Variants in PASD1 observed in about 807,000 individuals in gnomAD.
PASD1 encodes the protein PAS domain containing repressor 1.
In PASD1, 13 loss-of-function variants were observed where a neutral mutation model predicts 58.8. The ratio of observed to expected loss-of-function variants is 0.22; its 90% CI spans 0.14 to 0.35. The LOEUF (loss-of-function observed/expected upper bound fraction) is 0.35, where lower values mean the gene tolerates loss of function less well. Ranked by LOEUF, PASD1 falls within the 10% of genes least tolerant of loss-of-function variation. PASD1 has a pLI of 1.00. For missense variants in PASD1, 734 were observed against 568.3 expected, an observed-to-expected ratio of 1.29 and a Z score of -2.96; for synonymous variants, 236 against 216.7, an observed-to-expected ratio of 1.09 and a Z score of -0.78.
chrX:151,653,784 T>A (rs771975010), intron 9 of PASD1, among the ~76,000 whole-genome samples: 2 of 16,639 alleles, frequency 1.2e-4, no homozygotes, highest in South Asian at 8.3e-3. Flanking sequence ...CTTTCTTTCT[T>A]TCTTTCTTTC....
chrX:151,577,671 T>C (rs992590696), intron 1 of PASD1, among the ~76,000 whole-genome samples: 2 of 111,570 alleles, frequency 1.8e-5, no homozygotes, highest in Non-Finnish European at 3.8e-5. Flanking sequence ...ACTACAGGCA[T>C]CCGCCACCAC....
At chrX:151,566,448 A>C (rs1421454296) in intron 1 of PASD1, among the ~76,000 whole-genome samples, 2 of 111,654 alleles carry the variant, frequency 1.8e-5, no homozygotes, top group Non-Finnish European at 3.8e-5. Context: ...AGGAGCAAAA[A>C]TGCCTAGCAT....
At chrX:151,626,124 A>G (rs1460286473) in intron 8 of PASD1, among the ~76,000 whole-genome samples, 1 of 112,142 alleles carries the variant, frequency 8.9e-6, no homozygotes, top group Admixed American at 9.4e-5. Context: ...CAGGCATGTA[A>G]TGACTTTCAA....
chrX:151,599,197 AATGGAGTCTCCT>A (rs1320950410), intron 1 of PASD1, among the ~76,000 whole-genome samples: 5 of 112,459 alleles, frequency 4.4e-5, no homozygotes, highest in Non-Finnish European at 9.4e-5. Context: ...TACAGAACAA[AATGGAGTCTCCT>A]ATGTCTACTT....
In PASD1 at chrX:151,604,632, C is replaced by G. The variant is rs1372943578; in HGVS notation, c.29-14C>G. The G allele has an allele frequency of 3.4e-6, 4 of 1,169,034 alleles. No individual in the cohort carries two copies. The highest frequency in any genetic ancestry group is 3.5e-6 in the Non-Finnish European group (3 of 860,015). ...TGTGACACTGTTCTGTACTTTCTTC[C>G]TTTTTCTAAAAAGACAAAGTCAATC... On this transcript the variant is annotated splice_polypyrimidine_tract_variant and intron_variant, in intron 2 of 15. Transcript: ENST00000370357.
At chrX:151,594,944 C>A (rs1201814901) in intron 1 of PASD1, among the ~76,000 whole-genome samples, 2 of 111,740 alleles carry the variant, frequency 1.8e-5, no homozygotes, top group African/African-American at 6.5e-5. Flanking sequence ...ACCCCCCCTT[C>A]CCAGCACTTT....
At chrX:151,604,227 G>A (rs1274567835) in intron 2 of PASD1, among the ~76,000 whole-genome samples, 5 of 112,012 alleles carry the variant, frequency 4.5e-5, no homozygotes, top group Non-Finnish European at 9.4e-5. Context: ...AGCTTAAATA[G>A]ATGAAGCTAA....
chrX:151,613,521 A>G (rs1381524915), intron 4 of PASD1, among the ~76,000 whole-genome samples: 1 of 109,533 alleles, frequency 9.1e-6, no homozygotes, highest in Non-Finnish European at 1.9e-5. Context: ...TTCTCCTTGA[A>G]GAGGTCCTTC....
At chrX:151,672,729 C>G in intron 14 of PASD1, 68 bp downstream of exon 14, 1 of 1,170,984 alleles carries the variant, frequency 8.5e-7, no homozygotes, top group Non-Finnish European at 1.1e-6. Flanking sequence ...GGATCCCATG[C>G]CTGAGATCAC....
chrX:151,623,137 G>T, intron 7 of PASD1, 73 bp downstream of exon 7: 1 of 1,119,247 alleles, frequency 8.9e-7, no homozygotes, highest in Admixed American at 2.3e-5. Context: ...TTCCCCTTTG[G>T]TCTGTCAGCC....
chrX:151,665,260 G>T (rs1198509903), intron 11 of PASD1, among the ~76,000 whole-genome samples: 3 of 112,435 alleles, frequency 2.7e-5, no homozygotes, highest in Non-Finnish European at 3.7e-5. Flanking sequence ...AAATTTCTGT[G>T]AAAATCTGCT....
At chrX:151,654,751 G>A (rs1045158200) in intron 9 of PASD1, among the ~76,000 whole-genome samples, 4 of 111,307 alleles carry the variant, frequency 3.6e-5, no homozygotes, top group Admixed American at 1.9e-4. Context: ...GATGAGAGTA[G>A]GTTTAAGAGA....
intron 1 of PASD1, 89 bp from the exon 2 acceptor site, chrX:151,601,438 C>G: frequency 1.5e-6 from 1 of 663,166 alleles, no homozygotes; most frequent in Non-Finnish European, 2.3e-6. Flanking sequence ...AAGTGTTACA[C>G]AATTGAGAAT....
At chrX:151,573,212 C>G (rs1287550214) in intron 1 of PASD1, among the ~76,000 whole-genome samples, 2 of 109,729 alleles carry the variant, frequency 1.8e-5, no homozygotes, top group Non-Finnish European at 3.8e-5. Flanking sequence ...GGATCCACCC[C>G]CATGATCCAG....
intron 1 of PASD1, among the ~76,000 whole-genome samples, chrX:151,596,653 CT>C (rs2013325340): frequency 8.9e-6 from 1 of 112,377 alleles, no homozygotes; most frequent in Non-Finnish European, 1.9e-5. Context: ...AAATATTAAT[CT>C]TGTACACAGC....
chrX:151,564,425 T>G (rs1382200549), intron 1 of PASD1, among the ~76,000 whole-genome samples: 4 of 111,920 alleles, frequency 3.6e-5, no homozygotes, highest in Admixed American at 9.4e-5. Context: ...GTTTTTGTTG[T>G]CCTTTGGGTT....
chrX:151,599,781 C>T (rs1196303761), intron 1 of PASD1, among the ~76,000 whole-genome samples: 1 of 104,414 alleles, frequency 9.6e-6, no homozygotes, highest in Non-Finnish European at 2.0e-5. Flanking sequence ...ACTTCCCAGA[C>T]TGGGCGGCCG....
chrX:151,587,080 C>T (rs1269462118), intron 1 of PASD1, among the ~76,000 whole-genome samples: 1 of 111,922 alleles, frequency 8.9e-6, no homozygotes, highest in African/African-American at 3.3e-5. Flanking sequence ...CCGGAATGTT[C>T]AGGGATGCCA....
At chrX:151,583,047 G>A (rs746476712) in intron 1 of PASD1, among the ~76,000 whole-genome samples, 7 of 111,640 alleles carry the variant, frequency 6.3e-5, no homozygotes, top group Non-Finnish European at 1.3e-4. Context: ...GGTCACAGAT[G>A]GAAATTGGGG....
Sources: gnomAD v4.1 joint callset for allele counts (sites outside exome capture counted in the v4.1 genomes callset) on GRCh38, gnomAD v4.1.1 for gene constraint, MANE v1.5 for transcripts, NCBI Gene and HGNC (gene_info 2026-07-23, HGNC 2026-07-21) for gene names.